PDE8A: variants seen among roughly 807,000 people sequenced by gnomAD.
PDE8A encodes phosphodiesterase 8A.
In PDE8A, 59 loss-of-function variants were observed where a neutral mutation model predicts 105.0. The observed-to-expected ratio is 0.56, with a 90% confidence interval of 0.46 to 0.70. PDE8A has a LOEUF of 0.70. Among genes scored for constraint, PDE8A ranks in the 30% least tolerant of loss-of-function variants. The pLI is 0.00. For synonymous variants in PDE8A, 355 were observed against 371.9 expected (o/e 0.95, Z 0.52); for missense variants, 1,014 against 1,045.9 (o/e 0.97, Z 0.42).
At chr15:84,995,406 C>G (rs1328503232) in intron 1 of PDE8A, among the ~76,000 whole-genome samples, 1 of 151,864 alleles carries the variant, frequency 6.6e-6, no homozygotes, top group Non-Finnish European at 1.5e-5. Flanking sequence ...CCTTGACTTC[C>G]CTGGCTCAAC....
At chr15:85,127,436 C>T (rs1408383437) in intron 20 of PDE8A, among the ~76,000 whole-genome samples, 1 of 152,076 alleles carries the variant, frequency 6.6e-6, no homozygotes, top group Non-Finnish European at 1.5e-5. Context: ...AATATACAAA[C>T]AATTATTAGC....
At position 85,068,330 on chromosome 15, in the gene PDE8A, G is replaced by A. The variant is rs542675236; in HGVS notation, c.434+1126G>A. Among the ~76,000 whole-genome samples, 42 of 152,234 alleles carry A rather than the reference G, an allele frequency of 2.8e-4. 1 individual carries two copies. The highest frequency in any genetic ancestry group is 3.4e-3 in the Middle Eastern group (1 of 294). Reference sequence around the variant, plus strand: ...GCTGGGATTACAGGTGTGAGCCACCGCACTGTGCCCGCCCTACCCCAGATT... The same window carrying A: ...GCTGGGATTACAGGTGTGAGCCACCACACTGTGCCCGCCCTACCCCAGATT... On this transcript the variant is annotated intron_variant, in intron 3 of 21. Coordinates refer to ENST00000394553, the MANE Select transcript of PDE8A (RefSeq NM_002605.3).
chr15:85,111,261 G>A (rs1485484586), intron 12 of PDE8A, among the ~76,000 whole-genome samples: 4 of 152,050 alleles, frequency 2.6e-5, no homozygotes, highest in Non-Finnish European at 4.4e-5. Context: ...TATTACTTGC[G>A]CTTTTTATGT....
At chr15:85,014,908 C>G (rs1256820262) in intron 1 of PDE8A, among the ~76,000 whole-genome samples, 1 of 152,114 alleles carries the variant, frequency 6.6e-6, no homozygotes. Flanking sequence ...TAATAACAGT[C>G]CCTCCCCATT....
intron 8 of PDE8A, 127 bp from the exon 9 acceptor site, chr15:85,097,821 T>C: frequency 1.6e-6 from 1 of 623,472 alleles, no homozygotes; most frequent in Non-Finnish European, 2.9e-6. Flanking sequence ...TGAAATCAGT[T>C]TGGGGTTGGG....
rs371898540 is a variant in PDE8A, at chr15:85,100,218, T to C, written c.1036+20T>C. The C allele has an allele frequency of 1.3e-4, 212 of 1,596,348 alleles. 1 individual carries two copies. In the Middle Eastern group the frequency reaches 6.0e-3, roughly 45 times the overall value. On this transcript the variant is annotated intron_variant, in intron 11 of 21. Coordinates refer to ENST00000394553, the MANE Select transcript of PDE8A (RefSeq NM_002605.3). ...ATACAGGTACGGTGCCCCGTATTTA[T>C]TCTTAGAGTTCATTGAGTTTTTGGA... is the stretch of plus-strand genomic sequence containing the variant.
intron 1 of PDE8A, among the ~76,000 whole-genome samples, chr15:85,015,840 T>G (rs2080316126): frequency 1.3e-5 from 2 of 152,202 alleles, no homozygotes; most frequent in African/African-American, 4.8e-5. Flanking sequence ...TCCTTTTGTT[T>G]TAAGATGACT....
At chr15:85,040,839 G>A (rs1005290672) in intron 1 of PDE8A, among the ~76,000 whole-genome samples, 3 of 152,168 alleles carry the variant, frequency 2.0e-5, no homozygotes, top group African/African-American at 7.2e-5. Flanking sequence ...GATTACAGGC[G>A]TGAACCACCA....
intron 1 of PDE8A, among the ~76,000 whole-genome samples, chr15:85,010,284 C>G (rs1368814600): frequency 6.6e-6 from 1 of 152,108 alleles, no homozygotes; most frequent in Non-Finnish European, 1.5e-5. Context: ...AAATGTCCAT[C>G]AAAAAAACTT....
intron 7 of PDE8A, 26 bp from the exon 8 acceptor site, chr15:85,091,018 A>G: frequency 6.9e-6 from 11 of 1,589,098 alleles, no homozygotes; most frequent in Non-Finnish European, 9.4e-6. Flanking sequence ...AATTCACTTT[A>G]TGTTTTTTCT....
intron 11 of PDE8A, among the ~76,000 whole-genome samples, chr15:85,105,419 C>T (rs185630797): frequency 1.7e-3 from 259 of 152,228 alleles, no homozygotes; most frequent in Non-Finnish European, 2.4e-3. Flanking sequence ...GGCAGAATGA[C>T]TTTTGGGCAA....
chr15:85,080,794 C>T (rs1011480526), intron 5 of PDE8A, among the ~76,000 whole-genome samples: 1 of 152,196 alleles, frequency 6.6e-6, no homozygotes, highest in Non-Finnish European at 1.5e-5. Context: ...CAAGCCTGCA[C>T]ACCTTAATCA....
At chr15:85,054,970 C>T (rs984677507) in intron 1 of PDE8A, among the ~76,000 whole-genome samples, 1 of 152,124 alleles carries the variant, frequency 6.6e-6, no homozygotes, top group Non-Finnish European at 1.5e-5. Context: ...TTTCCCTCTA[C>T]ACACTGCTTT....
chr15:85,038,337 T>G (rs2080744527), intron 1 of PDE8A, among the ~76,000 whole-genome samples: 1 of 152,150 alleles, frequency 6.6e-6, no homozygotes, highest in Non-Finnish European at 1.5e-5. Context: ...TTTCTCCAAC[T>G]TCGTGGCTTA....
At chr15:85,135,987 C>T (rs1418286485) in intron 20 of PDE8A, among the ~76,000 whole-genome samples, 2 of 152,110 alleles carry the variant, frequency 1.3e-5, no homozygotes, top group East Asian at 3.9e-4. Flanking sequence ...GGGGATGCTT[C>T]AAGCCAGGTG....
chr15:85,110,860 T>C (rs547432935), intron 12 of PDE8A, among the ~76,000 whole-genome samples: 13 of 152,230 alleles, frequency 8.5e-5, no homozygotes, highest in Non-Finnish European at 1.6e-4. Context: ...AGCTCCAACA[T>C]ATGGCACCAT....
intron 1 of PDE8A, among the ~76,000 whole-genome samples, chr15:85,038,304 T>G (rs1203536686): frequency 6.6e-6 from 1 of 152,080 alleles, no homozygotes; most frequent in Non-Finnish European, 1.5e-5. Context: ...GAGCTCTTTG[T>G]CAGTTTTACG....
intron 1 of PDE8A, among the ~76,000 whole-genome samples, chr15:84,999,991 G>T (rs2080042424): frequency 6.6e-6 from 1 of 152,152 alleles, no homozygotes; most frequent in African/African-American, 2.4e-5. Flanking sequence ...TATTGTTGCT[G>T]CAATACAGTT....
Position 85,055,704 on chromosome 15 carries a change from C to G in PDE8A, c.187-8666C>G, listed in dbSNP as rs1001628785. Among the ~76,000 whole-genome samples the G allele has an allele frequency of 1.3e-5, 2 of 152,146 alleles. 1 individual carries two copies. Among genetic ancestry groups the G allele is most frequent in the South Asian group, 4.1e-4 (2 of 4,832 alleles). On this transcript the variant is annotated intron_variant, in intron 1 of 21. Coordinates refer to ENST00000394553, the MANE Select transcript of PDE8A (RefSeq NM_002605.3). ...CCCTTTATTTTGAGCCTGTGTGTGT[C>G]TCTGCATGTGAGTTGGGTCTCCTGA... is the stretch of plus-strand genomic sequence containing the variant.
Sources: allele counts gnomAD v4.1 joint callset (sites outside exome capture counted in the v4.1 genomes callset), GRCh38; gene constraint gnomAD v4.1.1; transcripts MANE v1.5; gene names NCBI Gene and HGNC (gene_info 2026-07-23, HGNC 2026-07-21).